Variants in AGPS observed in about 807,000 individuals in gnomAD.
AGPS encodes the protein alkylglycerone phosphate synthase.
AGPS carries 26 observed loss-of-function variants against 90.7 expected under a neutral mutation model. The observed-to-expected ratio is 0.29, with a 90% confidence interval of 0.21 to 0.40. AGPS has a LOEUF of 0.40. AGPS is among the 10% of genes least tolerant of loss of function. AGPS has a pLI of 1.00. For synonymous variants in AGPS, 294 were observed against 285.3 expected, an observed-to-expected ratio of 1.03 and a Z score of -0.31; for missense variants, 540 against 816.1, an observed-to-expected ratio of 0.66 and a Z score of 4.12.
intron 10 of AGPS, among the ~76,000 whole-genome samples, chr2:177,478,658 C>T (rs562978698): frequency 6.6e-6 from 1 of 152,130 alleles, no homozygotes; most frequent in East Asian, 1.9e-4. Flanking sequence ...AATTATTTTG[C>T]TTTTCAACTC....
At chr2:177,462,741 T>A (rs1487521015) in intron 9 of AGPS, among the ~76,000 whole-genome samples, 1 of 152,166 alleles carries the variant, frequency 6.6e-6, no homozygotes, top group Admixed American at 6.5e-5. Flanking sequence ...AGTATTTACA[T>A]TGTATTATTC....
chr2:177,479,515 TCC>T (rs1687881668), intron 10 of AGPS, among the ~76,000 whole-genome samples: 1 of 152,184 alleles, frequency 6.6e-6, no homozygotes, highest in Non-Finnish European at 1.5e-5. Flanking sequence ...AAAAGTAGAA[TCC>T]CATATGTTCA....
chr2:177,532,533 C>T (rs893029156), intron 19 of AGPS, among the ~76,000 whole-genome samples: 5 of 152,142 alleles, frequency 3.3e-5, no homozygotes, highest in African/African-American at 7.2e-5. Flanking sequence ...GTGGTACAGC[C>T]ATTCTGGAAA....
chr2:177,411,725 G>A (rs1685626463), intron 1 of AGPS, among the ~76,000 whole-genome samples: 1 of 152,090 alleles, frequency 6.6e-6, no homozygotes, highest in South Asian at 2.1e-4. Context: ...ATTTACCTAG[G>A]TCTATTTTAA....
Position 177,520,432 on chromosome 2 carries a change from C to T in AGPS, c.1698-837C>T, listed in dbSNP as rs554731248. On this transcript the variant is annotated intron_variant, in intron 17 of 19. Transcript: ENST00000264167. ...TATTCTATGCATTTCATGTTCCTAT[C>T]CTCAGCAGTGACGGAGCCAATGAAA... 3.3e-5 allele frequency among the ~76,000 whole-genome samples: 5 copies of T among 152,322 alleles called. No individual in the cohort carries two copies. In the East Asian group the frequency reaches 9.6e-4, roughly 29 times the overall value.
At chr2:177,442,849 GAATCT>G (rs1686649275) in intron 7 of AGPS, among the ~76,000 whole-genome samples, 1 of 121,738 alleles carries the variant, frequency 8.2e-6, no homozygotes, top group South Asian at 2.6e-4. Flanking sequence ...AAAAAAAAAA[GAATCT>G]AATATCCATT....
chr2:177,485,362 A>G (rs565147382), intron 11 of AGPS, among the ~76,000 whole-genome samples: 14 of 152,322 alleles, frequency 9.2e-5, no homozygotes, highest in Admixed American at 3.9e-4. Context: ...GTATCAAAAT[A>G]CTAAGTTTAT....
intron 8 of AGPS, among the ~76,000 whole-genome samples, chr2:177,458,016 G>T (rs1335982408): frequency 6.6e-6 from 1 of 152,168 alleles, no homozygotes; most frequent in African/African-American, 2.4e-5. Flanking sequence ...TCATACCTGG[G>T]ATGCAAGGCT....
At chr2:177,491,881 G>T (rs1447474354) in intron 11 of AGPS, among the ~76,000 whole-genome samples, 1 of 149,766 alleles carries the variant, frequency 6.7e-6, no homozygotes, top group African/African-American at 2.5e-5. Flanking sequence ...TGCTTCCCAG[G>T]TTCAAGTGAT....
intron 1 of AGPS, among the ~76,000 whole-genome samples, chr2:177,410,363 GT>G (rs2105597263): frequency 6.6e-6 from 1 of 152,290 alleles, no homozygotes; most frequent in South Asian, 2.1e-4. Context: ...GCTTCCTGAT[GT>G]TTGATAGGTG....
chr2:177,492,765 A>G (rs990950949), intron 11 of AGPS, among the ~76,000 whole-genome samples: 2 of 152,200 alleles, frequency 1.3e-5, no homozygotes, highest in African/African-American at 2.4e-5. Flanking sequence ...AAATGGCATA[A>G]TACTTGAGGC....
chr2:177,395,317 G>T (rs1159055526), intron 1 of AGPS, among the ~76,000 whole-genome samples: 2 of 152,176 alleles, frequency 1.3e-5, no homozygotes, highest in African/African-American at 2.4e-5. Flanking sequence ...GCCCTGTGTG[G>T]CTGCTCCAAG....
At chr2:177,434,997 G>GTGTA (rs1553509326) in intron 3 of AGPS, among the ~76,000 whole-genome samples, 19 of 128,158 alleles carry the variant, frequency 1.5e-4, no homozygotes, top group Admixed American at 7.6e-5. Flanking sequence ...TAAACTGTAG[G>GTGTA]TATATATATA....
chr2:177,458,406 G>T (rs146329013), intron 8 of AGPS, among the ~76,000 whole-genome samples: 1 of 152,186 alleles, frequency 6.6e-6, no homozygotes, highest in South Asian at 2.1e-4. Flanking sequence ...AATTGTCTCT[G>T]TTTGCAGATG....
intron 13 of AGPS, among the ~76,000 whole-genome samples, chr2:177,498,966 A>G (rs1300141481): frequency 1.3e-5 from 2 of 151,852 alleles, no homozygotes; most frequent in African/African-American, 4.8e-5. Context: ...AAAATTTTAG[A>G]AACTTTTCAT....
In AGPS at chr2:177,523,818, G is replaced by T; in HGVS notation, c.1855+13G>T. On this transcript the variant is annotated intron_variant, in intron 19 of 19. Transcript: ENST00000264167. ...CATCACCATGGAGGTATTCTTTTTT[G>T]GGAGTAGAATTTCTAATATTCTTAC... 1 of 1,606,746 alleles carries T rather than the reference G, an allele frequency of 6.2e-7. No homozygotes were observed. The highest frequency in any genetic ancestry group is 8.5e-7 in the Non-Finnish European group (1 of 1,173,480).
At chr2:177,498,264 G>A (rs766872751) in intron 13 of AGPS, among the ~76,000 whole-genome samples, 5 of 151,550 alleles carry the variant, frequency 3.3e-5, no homozygotes, top group Non-Finnish European at 7.4e-5. Flanking sequence ...GAGACTGAAC[G>A]TTAACATTTT....
At chr2:177,447,582 T>G (rs1451917622) in intron 8 of AGPS, among the ~76,000 whole-genome samples, 1 of 151,484 alleles carries the variant, frequency 6.6e-6, no homozygotes, top group African/African-American at 2.4e-5. Flanking sequence ...TGATGTAGTA[T>G]TTTAACCTTT....
At chr2:177,489,374 G>A (rs1204973293) in intron 11 of AGPS, among the ~76,000 whole-genome samples, 2 of 151,956 alleles carry the variant, frequency 1.3e-5, no homozygotes, top group Non-Finnish European at 2.9e-5. Context: ...GTGAGCCACC[G>A]CGCCTGGCCA....
Sources: allele counts gnomAD v4.1 joint callset (sites outside exome capture counted in the v4.1 genomes callset), GRCh38; gene constraint gnomAD v4.1.1; transcripts MANE v1.5; gene names NCBI Gene and HGNC (gene_info 2026-07-23, HGNC 2026-07-21).